NOS1AP: variants seen among roughly 807,000 people sequenced by gnomAD.
The protein encoded by NOS1AP is nitric oxide synthase 1 adaptor protein, also known as carboxyl-terminal PDZ ligand of neuronal nitric oxide synthase protein.
A neutral mutation model predicts 56.2 loss-of-function variants in NOS1AP; 21 were observed. The ratio of observed to expected loss-of-function variants is 0.37; its 90% CI spans 0.26 to 0.54. The LOEUF is 0.54. Ranked by LOEUF, NOS1AP falls within the 20% of genes least tolerant of loss-of-function variation. NOS1AP has a pLI of 0.84. For missense variants in NOS1AP, 522 were observed against 657.8 expected, an observed-to-expected ratio of 0.79 and a Z score of 2.26; for synonymous variants, 270 against 274.6, an observed-to-expected ratio of 0.98 and a Z score of 0.17.
Position 162,308,565 on chromosome 1 carries a change from C to T in NOS1AP, c.344+7859C>T, listed in dbSNP as rs926045905. The stretch of plus-strand genomic sequence containing the variant: ...TGTTCTGGGCATGCATACCACTGGA[C>T]ATCCTCATATCCACACCACTGATGG... On this transcript the variant is annotated intron_variant, in intron 4 of 9. Coordinates refer to ENST00000361897, the MANE Select transcript of NOS1AP (RefSeq NM_014697.3). Among the ~76,000 whole-genome samples the T allele has an allele frequency of 3.3e-5, 5 of 152,164 alleles. No individual in the cohort carries two copies. The East Asian group carries it at 9.7e-4, about 29-fold the overall frequency.
chr1:162,366,944 C>T, intron 9 of NOS1AP, 108 bp from the exon 10 acceptor site: 1 of 1,269,792 alleles, frequency 7.9e-7, no homozygotes, highest in Non-Finnish European at 1.2e-6. Flanking sequence ...TGCTGCTAAG[C>T]TGGTCTGGGA....
chr1:162,319,745 C>G (rs1346470115), intron 4 of NOS1AP, among the ~76,000 whole-genome samples: 1 of 152,142 alleles, frequency 6.6e-6, no homozygotes, highest in Non-Finnish European at 1.5e-5. Context: ...ACAGCTCTTC[C>G]TCTCTTGGCT....
intron 2 of NOS1AP, among the ~76,000 whole-genome samples, chr1:162,240,038 G>A (rs1177828893): frequency 6.6e-6 from 1 of 152,314 alleles, no homozygotes; most frequent in South Asian, 2.1e-4. Context: ...CCTGCCACCA[G>A]ATGGCAGCTT....
intron 1 of NOS1AP, among the ~76,000 whole-genome samples, chr1:162,088,928 C>G (rs1284038232): frequency 1.3e-5 from 2 of 152,140 alleles, no homozygotes. Context: ...ACCGATACCT[C>G]TTTTGGTATC....
At chr1:162,346,791 T>C (rs568948772) in intron 6 of NOS1AP, among the ~76,000 whole-genome samples, 2 of 152,372 alleles carry the variant, frequency 1.3e-5, no homozygotes, top group South Asian at 4.1e-4. Flanking sequence ...ACTTCTCTTT[T>C]GGCTTACTCA....
In NOS1AP at chr1:162,144,987, C is replaced by T. The variant is rs552319672; in HGVS notation, c.106-9418C>T. ...TGGCATTAGCATAAAGACAAGTCAT[C>T]GCAATCATTTTGCACCCAGCCCCTT... On this transcript the variant is annotated intron_variant, in intron 1 of 9. Transcript: ENST00000361897. 3.9e-5 allele frequency among the ~76,000 whole-genome samples: 6 copies of T among 152,284 alleles called. No individual in the cohort carries two copies. The South Asian group carries it at 8.3e-4, about 21-fold the overall frequency.
intron 4 of NOS1AP, among the ~76,000 whole-genome samples, chr1:162,310,660 T>C (rs1655993027): frequency 6.6e-6 from 1 of 152,186 alleles, no homozygotes; most frequent in Non-Finnish European, 1.5e-5. Context: ...GGGAAGGAAA[T>C]ACCATTCATG....
intron 2 of NOS1AP, among the ~76,000 whole-genome samples, chr1:162,190,404 A>G (rs543941768): frequency 6.6e-6 from 1 of 152,186 alleles, no homozygotes; most frequent in Admixed American, 6.5e-5. Context: ...TTTAGGGTAC[A>G]TGTGCACAAT....
chr1:162,102,961 TGTC>T (rs966331572), intron 1 of NOS1AP, among the ~76,000 whole-genome samples: 14 of 152,192 alleles, frequency 9.2e-5, no homozygotes, highest in African/African-American at 3.4e-4. Flanking sequence ...GGTTATCTCT[TGTC>T]TTCTGCTAGC....
intron 5 of NOS1AP, among the ~76,000 whole-genome samples, chr1:162,333,480 C>A (rs1656841725): frequency 6.6e-6 from 1 of 152,084 alleles, no homozygotes; most frequent in Non-Finnish European, 1.5e-5. Flanking sequence ...TAGGGGGCTA[C>A]AAAATATGAA....
chr1:162,079,414 G>T (rs976613023), intron 1 of NOS1AP, among the ~76,000 whole-genome samples: 1 of 151,550 alleles, frequency 6.6e-6, no homozygotes, highest in Non-Finnish European at 1.5e-5. Context: ...CTAATTCATG[G>T]TTTATTTTCT....
intron 2 of NOS1AP, among the ~76,000 whole-genome samples, chr1:162,216,577 G>A (rs1312190578): frequency 6.6e-6 from 1 of 152,142 alleles, no homozygotes; most frequent in Non-Finnish European, 1.5e-5. Flanking sequence ...CTATGCTTTG[G>A]TTTATTCATC....
At chr1:162,244,777 C>T (rs910630841) in intron 2 of NOS1AP, among the ~76,000 whole-genome samples, 2 of 152,058 alleles carry the variant, frequency 1.3e-5, no homozygotes, top group African/African-American at 2.4e-5. Flanking sequence ...TTGTGACAAA[C>T]AAAAATTTTT....
chr1:162,301,504 C>T (rs921624722), intron 4 of NOS1AP, among the ~76,000 whole-genome samples: 5 of 152,092 alleles, frequency 3.3e-5, no homozygotes, highest in Admixed American at 6.5e-5. Flanking sequence ...TATAGCAGAC[C>T]GAACCAACAC....
At chr1:162,261,744 C>G (rs1318154787) in intron 2 of NOS1AP, among the ~76,000 whole-genome samples, 1 of 152,118 alleles carries the variant, frequency 6.6e-6, no homozygotes, top group East Asian at 1.9e-4. Context: ...CCAGAACTTT[C>G]AGAGAATAAG....
intron 2 of NOS1AP, among the ~76,000 whole-genome samples, chr1:162,193,131 C>T (rs531424743): frequency 1.3e-5 from 2 of 152,260 alleles, no homozygotes; most frequent in East Asian, 3.9e-4. Context: ...GAAAAGATGA[C>T]TCTCAGGCTG....
chr1:162,366,828 C>T (rs950081578), intron 9 of NOS1AP: 1 of 620,418 alleles, frequency 1.6e-6, no homozygotes, highest in Non-Finnish European at 2.9e-6. Context: ...CTTATGTCCC[C>T]GCCTTTACCA....
chr1:162,287,872 C>A (rs1347719340), intron 3 of NOS1AP, among the ~76,000 whole-genome samples: 3 of 152,228 alleles, frequency 2.0e-5, no homozygotes, highest in Non-Finnish European at 4.4e-5. Context: ...AGGTGCCATG[C>A]AGCCCCCTCC....
intron 1 of NOS1AP, among the ~76,000 whole-genome samples, chr1:162,145,454 C>G (rs1401240288): frequency 6.6e-6 from 1 of 152,154 alleles, no homozygotes; most frequent in Non-Finnish European, 1.5e-5. Flanking sequence ...CTCCCCTCCC[C>G]CAGAGTATTT....
Sources: allele counts gnomAD v4.1 joint callset (sites outside exome capture counted in the v4.1 genomes callset), GRCh38; gene constraint gnomAD v4.1.1; transcripts MANE v1.5; gene names NCBI Gene and HGNC (gene_info 2026-07-23, HGNC 2026-07-21).